The following DNAH12 variants were observed in gnomAD, a reference collection of about 807,000 sequenced individuals.
The protein encoded by DNAH12 is dynein axonemal heavy chain 12.
DNAH12 carries 285 observed loss-of-function variants against 371.5 expected under a neutral mutation model. The ratio of observed to expected loss-of-function variants is 0.77; its 90% CI spans 0.70 to 0.85. The LOEUF is 0.85. Ranked by LOEUF, DNAH12 falls within the 40% of genes least tolerant of loss-of-function variation. The pLI is 0.00. For synonymous variants in DNAH12, 1,200 were observed against 1,213.0 expected (o/e 0.99, Z 0.22); for missense variants, 3,611 against 3,689.4 (o/e 0.98, Z 0.55).
In DNAH12 at chr3:57,433,452, G is replaced by A. The variant is rs927200762; in HGVS notation, c.4895C>T (p.Pro1632Leu). Reference sequence around the variant, plus strand: ...ATCAAATACAACCCATTTCCGGTCAGGTGTTTCTGATAAGGCAAATTCTCT... The same window carrying A: ...ATCAAATACAACCCATTTCCGGTCAAGTGTTTCTGATAAGGCAAATTCTCT... ...TFREFALSET[P>L]DRKWVVFDGP... The change falls in exon 32 of 74, where the codon CCT (proline) becomes CTT (leucine). Residue 1632 changes from proline (P) to leucine (L), a missense_variant. By Grantham distance (98) the Pro-to-Leu change is moderately conservative. This residue lies in a region of DNAH12 where 2,266 missense variants were observed against 2,236.9 expected (regional missense o/e 1.01). Coordinates refer to ENST00000495027, the MANE Select transcript of DNAH12 (RefSeq NM_001366028.2). The A allele has an allele frequency of 2.3e-5, 36 of 1,551,348 alleles. No homozygotes were observed. The highest frequency in any genetic ancestry group is 2.9e-5 in the Non-Finnish European group (33 of 1,146,918).
intron 60 of DNAH12, among the ~76,000 whole-genome samples, chr3:57,339,309 T>C (rs1373287630): frequency 1.0e-4 from 15 of 150,276 alleles, no homozygotes; most frequent in African/African-American, 3.2e-4. Context: ...GCTGACCTTC[T>C]CTCCACTATT....
intron 41 of DNAH12, 58 bp downstream of exon 41, chr3:57,405,595 G>T: frequency 1.4e-6 from 2 of 1,444,472 alleles, no homozygotes; most frequent in East Asian, 2.5e-5. Flanking sequence ...TAACTTAATT[G>T]TAACAATTCA....
chr3:57,499,630 CAAAAAA>C (rs1220632097), intron 11 of DNAH12, among the ~76,000 whole-genome samples: 1 of 14,886 alleles, frequency 6.7e-5, no homozygotes, highest in African/African-American at 3.4e-4. Flanking sequence ...ACCATCTCTA[CAAAAAA>C]AAAAAAAAAA....
At chr3:57,309,587 G>C in intron 68 of DNAH12, 79 bp downstream of exon 68, 1 of 1,279,110 alleles carries the variant, frequency 7.8e-7, no homozygotes, top group South Asian at 2.1e-5. Flanking sequence ...CATAATGCTA[G>C]TACATGGAGT....
At chr3:57,478,322 C>T (rs1237447676) in intron 13 of DNAH12, among the ~76,000 whole-genome samples, 1 of 152,078 alleles carries the variant, frequency 6.6e-6, no homozygotes, top group Non-Finnish European at 1.5e-5. Context: ...GAAAGGGTAT[C>T]AGTGATGGAA....
chr3:57,346,406 A>G (rs1455463332), intron 60 of DNAH12, among the ~76,000 whole-genome samples: 12 of 152,108 alleles, frequency 7.9e-5, no homozygotes, highest in African/African-American at 2.9e-4. Flanking sequence ...TACATTGCAA[A>G]CTCAAGGGCA....
intron 60 of DNAH12, among the ~76,000 whole-genome samples, chr3:57,345,580 T>C (rs1189951306): frequency 5.3e-5 from 8 of 152,182 alleles, no homozygotes; most frequent in African/African-American, 7.2e-5. Flanking sequence ...AAGTGGATAA[T>C]TGTAACACTT....
At chr3:57,488,682 C>G (rs2067017261) in intron 12 of DNAH12, among the ~76,000 whole-genome samples, 1 of 152,102 alleles carries the variant, frequency 6.6e-6, no homozygotes, top group Non-Finnish European at 1.5e-5. Context: ...TTATTGAGTA[C>G]CATGTGCCAG....
chr3:57,447,691 T>C (rs2065560566), intron 25 of DNAH12, among the ~76,000 whole-genome samples: 1 of 150,844 alleles, frequency 6.6e-6, no homozygotes, highest in Non-Finnish European at 1.5e-5. Flanking sequence ...ATTTTATTTT[T>C]TGAGACCGGG....
chr3:57,501,347 C>A lies in DNAH12; in HGVS notation c.1309G>T (p.Asp437Tyr). 1.3e-6 allele frequency: 2 copies of A among 1,596,872 alleles called. No individual in the cohort carries two copies. Among genetic ancestry groups the A allele is most frequent in the South Asian group, 1.2e-5 (1 of 86,616 alleles). The change falls in exon 11 of 74, where the codon GAT becomes TAT. Residue 437 changes from aspartate to tyrosine, a missense_variant. By Grantham distance (160) the Asp-to-Tyr change is radical. Transcript: ENST00000495027. Reference protein sequence around the residue: ...VENIETFQTEDHTFDEYTEFI... With the variant: ...VENIETFQTEYHTFDEYTEFI... Reference sequence around the variant, plus strand: ...TCTGTATATTCATCAAAAGTATGATCTTCTGTCTGAAAAGTCTCTATATTC... The same window carrying A: ...TCTGTATATTCATCAAAAGTATGATATTCTGTCTGAAAAGTCTCTATATTC...
At chr3:57,538,227 A>C (rs1409029808) in intron 2 of DNAH12, among the ~76,000 whole-genome samples, 1 of 115,416 alleles carries the variant, frequency 8.7e-6, no homozygotes, top group East Asian at 2.7e-4. Context: ...AATGAACCTA[A>C]CATTGTGAAC....
At chr3:57,471,985 G>A (rs187468545) in intron 14 of DNAH12, among the ~76,000 whole-genome samples, 9 of 152,128 alleles carry the variant, frequency 5.9e-5, no homozygotes, top group Admixed American at 3.9e-4. Flanking sequence ...TGGAAGTCAC[G>A]TTCATGTTCA....
chr3:57,462,936 C>T (rs1327806781), intron 17 of DNAH12, 61 bp from the exon 18 acceptor site: 3 of 1,159,026 alleles, frequency 2.6e-6, no homozygotes, highest in East Asian at 2.6e-5. Flanking sequence ...ACATAGATTC[C>T]ATAGATGAAG....
At chr3:57,545,784 T>C (rs972290859), upstream of DNAH12, among the ~76,000 whole-genome samples, 2 of 152,002 alleles carry the variant, frequency 1.3e-5, no homozygotes, top group Admixed American at 6.6e-5. Flanking sequence ...GCTCCACAGA[T>C]AGAAAAATCT....
At position 57,485,953 on chromosome 3, in the gene DNAH12, C is replaced by T. The variant is rs371058289; in HGVS notation, c.1515-2442G>A. On this transcript the variant is annotated intron_variant, in intron 12 of 73. Coordinates refer to ENST00000495027, the MANE Select transcript of DNAH12 (RefSeq NM_001366028.2). ...ATAACTTAACTGCTAGGCGTGGTGG[C>T]TCATGCCTGTAATCTCAGCACTTTG... Among the ~76,000 whole-genome samples, 45 of 152,126 alleles carry T rather than the reference C, an allele frequency of 3.0e-4. No individual in the cohort carries two copies. The East Asian group carries it at 6.8e-3, about 23-fold the overall frequency.
At chr3:57,448,433 G>A (rs73076463) in intron 25 of DNAH12, among the ~76,000 whole-genome samples, 1,648 of 152,038 alleles carry the variant, frequency 0.011, 19 homozygotes, top group South Asian at 0.051. Flanking sequence ...AGCTCTTAAT[G>A]CAGCACGTCT....
intron 58 of DNAH12, among the ~76,000 whole-genome samples, chr3:57,360,704 ACAAC>A: frequency 6.6e-6 from 1 of 151,112 alleles, no homozygotes; most frequent in Non-Finnish European, 1.5e-5. Flanking sequence ...AACAACAACA[ACAAC>A]AAGTCCTCTG....
intron 42 of DNAH12, among the ~76,000 whole-genome samples, chr3:57,404,571 T>C (rs1553680343): frequency 5.3e-5 from 8 of 151,714 alleles, no homozygotes; most frequent in Non-Finnish European, 1.2e-4. Flanking sequence ...CAAAAAAAAA[T>C]TAGCCAGGCA....
In DNAH12 at chr3:57,352,160, T is replaced by C. The variant is rs1426037241; in HGVS notation, c.9599A>G (p.Tyr3200Cys). The change falls in exon 60 of 74, where the codon TAT (tyrosine) becomes TGT (cysteine). Residue 3200 changes from tyrosine to cysteine, a missense_variant. Around this residue, in one of 3 missense-constraint regions of DNAH12, gnomAD observed 2,266 missense variants for 2,236.9 expected, o/e 1.01. Transcript: ENST00000495027. ...YLNDHFTYNLYCNICRSLFEK... is the reference protein window; with the variant it reads ...YLNDHFTYNLCCNICRSLFEK... ...AAATAGTGATCGGCATATATTACAA[T>C]ATAAGTTGTATGTGAAGTGGTCATT... The C allele has an allele frequency of 6.5e-7, 1 of 1,544,296 alleles. No homozygotes were observed. Among genetic ancestry groups the C allele is most frequent in the East Asian group, 2.5e-5 (1 of 40,634 alleles).
Sources: gnomAD v4.1 joint callset for allele counts (sites outside exome capture counted in the v4.1 genomes callset) on GRCh38, gnomAD v4.1.1 for gene constraint, gnomAD v4.1.1 regional missense constraint, MANE v1.5 for transcripts, NCBI Gene and HGNC (gene_info 2026-07-23, HGNC 2026-07-21) for gene names.